ADGRB3: variants seen among roughly 807,000 people sequenced by gnomAD.
ADGRB3 encodes the protein brain-specific angiogenesis inhibitor 3.
In ADGRB3, 37 loss-of-function variants were observed where a neutral mutation model predicts 193.4. The observed-to-expected ratio is 0.19, with a 90% CI of 0.15 to 0.25. The LOEUF (loss-of-function observed/expected upper bound fraction) is 0.25. Among genes scored for constraint, ADGRB3 ranks in the 10% least tolerant of loss-of-function variants. ADGRB3 has a pLI of 1.00. For missense variants in ADGRB3, 1,637 were observed against 1,852.9 expected (o/e 0.88, Z 2.14); for synonymous variants, 690 against 644.2 (o/e 1.07, Z -1.08).
At chr6:69,017,149 G>T (rs1247322317) in intron 12 of ADGRB3, among the ~76,000 whole-genome samples, 2 of 151,890 alleles carry the variant, frequency 1.3e-5, no homozygotes, top group Non-Finnish European at 2.9e-5. Context: ...CATCATTCAT[G>T]TCTTCAAGTA....
Position 68,956,820 on chromosome 6 carries a change from A to G in ADGRB3, c.1525+11A>G, listed in dbSNP as rs201536342. ...AGCAGCGATGCCCTGGTGAGAATGA[A>G]CCCAAATTATCCCAAAAGAAACATT... is the stretch of plus-strand genomic sequence containing the variant. On this transcript the variant is annotated intron_variant, in intron 8 of 31. Transcript: ENST00000370598. 11 of 1,604,348 alleles carry G rather than the reference A, an allele frequency of 6.9e-6. No homozygotes were observed. In the African/African-American group the frequency reaches 1.3e-4, roughly 20 times the overall value.
intron 3 of ADGRB3, among the ~76,000 whole-genome samples, chr6:68,803,664 A>G (rs1767351592): frequency 6.6e-6 from 1 of 152,128 alleles, no homozygotes; most frequent in South Asian, 2.1e-4. Flanking sequence ...TCCATTTTAC[A>G]TAACATTTTC....
intron 3 of ADGRB3, among the ~76,000 whole-genome samples, chr6:68,862,217 ACCT>A (rs536018526): frequency 4.3e-4 from 64 of 149,992 alleles, no homozygotes; most frequent in Admixed American, 1.3e-3. Context: ...GTCTTCACAA[ACCT>A]CCTCTTTTCC....
chr6:69,223,832 T>C (rs1765951505), intron 17 of ADGRB3, among the ~76,000 whole-genome samples: 2 of 151,842 alleles, frequency 1.3e-5, no homozygotes, highest in Non-Finnish European at 2.9e-5. Context: ...AATTTTTGTA[T>C]TTTTAGTACA....
intron 17 of ADGRB3, among the ~76,000 whole-genome samples, chr6:69,181,412 AT>A (rs1161019265): frequency 2.6e-5 from 4 of 152,060 alleles, no homozygotes; most frequent in African/African-American, 9.7e-5. Context: ...TTCATAACTC[AT>A]TTTTTTGTTT....
At chr6:68,794,798 C>G (rs895126980) in intron 3 of ADGRB3, among the ~76,000 whole-genome samples, 1 of 152,062 alleles carries the variant, frequency 6.6e-6, no homozygotes, top group Non-Finnish European at 1.5e-5. Flanking sequence ...ACTTATGTCA[C>G]TTATATCCAG....
intron 3 of ADGRB3, among the ~76,000 whole-genome samples, chr6:68,831,877 C>G (rs1175248324): frequency 6.6e-6 from 1 of 152,114 alleles, no homozygotes; most frequent in Admixed American, 6.6e-5. Context: ...TGTTTCAGAT[C>G]ACTCCTAAAT....
At chr6:68,768,660 G>A (rs1018168685) in intron 3 of ADGRB3, among the ~76,000 whole-genome samples, 4 of 152,106 alleles carry the variant, frequency 2.6e-5, no homozygotes, top group African/African-American at 7.2e-5. Flanking sequence ...AACACCAAAA[G>A]CAATGGCAAC....
At chr6:69,299,164 G>C (rs946266416) in intron 20 of ADGRB3, among the ~76,000 whole-genome samples, 2 of 151,794 alleles carry the variant, frequency 1.3e-5, no homozygotes, top group African/African-American at 4.8e-5. Context: ...ACGCCTGTTG[G>C]CCATTTTTTA....
chr6:68,905,274 C>G (rs1337679355), intron 3 of ADGRB3, among the ~76,000 whole-genome samples: 1 of 152,124 alleles, frequency 6.6e-6, no homozygotes, highest in East Asian at 1.9e-4. Flanking sequence ...GTCACCTAAT[C>G]AATTCTGAAG....
intron 16 of ADGRB3, among the ~76,000 whole-genome samples, chr6:69,070,438 A>G (rs1325219000): frequency 6.6e-6 from 1 of 152,214 alleles, no homozygotes; most frequent in Non-Finnish European, 1.5e-5. Flanking sequence ...GAACAAATCC[A>G]TCGCCTCACA....
At chr6:69,154,107 A>T (rs979211808) in intron 17 of ADGRB3, among the ~76,000 whole-genome samples, 1 of 152,142 alleles carries the variant, frequency 6.6e-6, no homozygotes, top group African/African-American at 2.4e-5. Context: ...CAAAACTGGT[A>T]TTTCGTGACT....
chr6:68,956,607 G>T, intron 7 of ADGRB3, 38 bp from the exon 8 acceptor site: 1 of 1,611,662 alleles, frequency 6.2e-7, no homozygotes, highest in Non-Finnish European at 8.5e-7. Context: ...GGAGTGTGTG[G>T]TAGATGACTG....
At chr6:68,793,648 C>T (rs1206314436) in intron 3 of ADGRB3, among the ~76,000 whole-genome samples, 3 of 152,110 alleles carry the variant, frequency 2.0e-5, no homozygotes, top group East Asian at 1.9e-4. Flanking sequence ...CCTGCTTCAG[C>T]CTCTCAAGTA....
chr6:69,168,530 A>G (rs929260211), intron 17 of ADGRB3, among the ~76,000 whole-genome samples: 6 of 152,156 alleles, frequency 3.9e-5, no homozygotes, highest in Non-Finnish European at 8.8e-5. Flanking sequence ...ACTAGTCTCC[A>G]TGAATCACCC....
intron 3 of ADGRB3, among the ~76,000 whole-genome samples, chr6:68,928,944 GA>G (rs1767258697): frequency 6.6e-6 from 1 of 152,106 alleles, no homozygotes; most frequent in South Asian, 2.1e-4. Flanking sequence ...TATAATATTT[GA>G]AAATATTGGA....
intron 26 of ADGRB3, among the ~76,000 whole-genome samples, chr6:69,350,773 TA>T (rs201911905): frequency 0.013 from 1,985 of 152,074 alleles, 20 homozygotes; most frequent in South Asian, 0.024. Context: ...TATTTTATTT[TA>T]TTTTTTTTAT....
At chr6:68,661,894 T>G (rs911502523) in intron 3 of ADGRB3, among the ~76,000 whole-genome samples, 1 of 151,162 alleles carries the variant, frequency 6.6e-6, no homozygotes, top group South Asian at 2.1e-4. Context: ...AAAAATAAAT[T>G]GATTACAACA....
intron 17 of ADGRB3, among the ~76,000 whole-genome samples, chr6:69,095,824 C>A (rs1214880874): frequency 6.6e-6 from 1 of 152,150 alleles, no homozygotes; most frequent in Non-Finnish European, 1.5e-5. Flanking sequence ...CACACACACA[C>A]ACACAACCCT....
Sources: gnomAD v4.1 joint callset for allele counts (sites outside exome capture counted in the v4.1 genomes callset) on GRCh38, gnomAD v4.1.1 for gene constraint, MANE v1.5 for transcripts, NCBI Gene and HGNC (gene_info 2026-07-23, HGNC 2026-07-21) for gene names.